The following ADAMTSL1 variants were observed in gnomAD, a reference collection of about 807,000 sequenced individuals.
The protein encoded by ADAMTSL1 is ADAMTS like 1, also known as ADAMTS-like protein 1.
In ADAMTSL1, 126 loss-of-function variants were observed where a neutral mutation model predicts 201.8. That is an observed-to-expected ratio of 0.62 (90% confidence interval 0.54 to 0.72). The LOEUF (loss-of-function observed/expected upper bound fraction) is 0.72. ADAMTSL1 is among the 30% of genes least tolerant of loss of function. The probability of loss-of-function intolerance (pLI) is 0.00; values close to 1 mark genes in which losing one functional copy is unlikely to be tolerated. For missense variants in ADAMTSL1, 2,679 were observed against 2,277.8 expected (o/e 1.18, Z -3.59); for synonymous variants, 1,121 against 903.4 (o/e 1.24, Z -4.32).
intron 5 of ADAMTSL1, among the ~76,000 whole-genome samples, chr9:18,626,957 T>TTTTCC (rs1030014749): frequency 1.3e-5 from 2 of 149,210 alleles, no homozygotes; most frequent in African/African-American, 5.0e-5. Flanking sequence ...CTTTCTTTTC[T>TTTTCC]TTTCTTTTTC....
At chr9:18,002,513 A>T (rs1305398300) in intron 1 of ADAMTSL1, among the ~76,000 whole-genome samples, 2 of 152,096 alleles carry the variant, frequency 1.3e-5, no homozygotes, top group Non-Finnish European at 2.9e-5. Flanking sequence ...TATTACTAGC[A>T]TAAGAGTATG....
At chr9:18,488,979 T>A (rs970604985) in intron 1 of ADAMTSL1, among the ~76,000 whole-genome samples, 6 of 152,152 alleles carry the variant, frequency 3.9e-5, no homozygotes, top group African/African-American at 1.4e-4. Context: ...CATAAATGCT[T>A]GTCTAATTTA....
intron 2 of ADAMTSL1, among the ~76,000 whole-genome samples, chr9:18,225,403 CT>C (rs1382428593): frequency 6.6e-6 from 1 of 152,160 alleles, no homozygotes; most frequent in African/African-American, 2.4e-5. Flanking sequence ...GAAAATGTAT[CT>C]TGTCCTAACA....
At position 18,363,366 on chromosome 9, in the gene ADAMTSL1, A is replaced by G. The variant is rs141189012; in HGVS notation, c.208-141463A>G. Among the ~76,000 whole-genome samples, 162 of 152,340 alleles carry G rather than the reference A, an allele frequency of 1.1e-3. 1 individual carries two copies. The highest frequency in any genetic ancestry group is 3.7e-3 in the African/African-American group (152 of 41,578). On this transcript the variant is annotated intron_variant, in intron 2 of 29. Coordinates refer to the ADAMTSL1 transcript ENST00000680146. The stretch of plus-strand genomic sequence containing the variant: ...AGGCAATCCAATTTCTCATTTGCCT[A>G]TTATAAGCCGACAAGCGTATACAGG...
chr9:18,642,314 T>C (rs1827500530), intron 7 of ADAMTSL1, among the ~76,000 whole-genome samples: 1 of 151,720 alleles, frequency 6.6e-6, no homozygotes, highest in South Asian at 2.1e-4. Context: ...AATTTTTAAT[T>C]AATGAGTAAA....
At chr9:18,119,742 C>A (rs1300591800) in intron 1 of ADAMTSL1, among the ~76,000 whole-genome samples, 2 of 152,062 alleles carry the variant, frequency 1.3e-5, no homozygotes, top group African/African-American at 2.4e-5. Context: ...GGTTGCCAGG[C>A]GTGGAGGTCA....
rs565043524 is a variant in ADAMTSL1 at position 18,910,143 on chromosome 9, G to A, written c.*1595G>A. 6.6e-6 allele frequency: 1 copy of A among 152,204 alleles called. No individual in the cohort carries two copies. The highest frequency in any genetic ancestry group is 2.1e-4 in the South Asian group (1 of 4,814). The allele number at this position is 152,204 out of a possible 1,614,324, so 9.4% of individuals were successfully genotyped here. A position where few individuals can be genotyped will look rare whatever the true frequency, so the allele number is the denominator to read the frequency against. The stretch of plus-strand genomic sequence containing the variant: ...GCCAGCCTGGAAGTAAAATTTGAGA[G>A]GAAGACAATATTAATCTGTGTCCCC... On this transcript the variant is annotated 3_prime_UTR_variant, in exon 29 of 29. Transcript: ENST00000380548.
At chr9:18,132,976 C>G (rs1214562387) in intron 1 of ADAMTSL1, among the ~76,000 whole-genome samples, 1 of 152,116 alleles carries the variant, frequency 6.6e-6, no homozygotes, top group Non-Finnish European at 1.5e-5. Flanking sequence ...GGTTTAGATT[C>G]TTTCACAGTA....
intron 3 of ADAMTSL1, among the ~76,000 whole-genome samples, chr9:18,549,412 T>C (rs746875374): frequency 2.6e-5 from 4 of 151,978 alleles, no homozygotes; most frequent in Non-Finnish European, 5.9e-5. Context: ...CATGTCCTGA[T>C]CTACAAAGAT....
At chr9:18,325,858 C>T (rs1046831473) in intron 2 of ADAMTSL1, among the ~76,000 whole-genome samples, 15 of 152,238 alleles carry the variant, frequency 9.9e-5, no homozygotes, top group Admixed American at 3.3e-4. Flanking sequence ...CTCCTGCCTC[C>T]GCCTCCCGCG....
At chr9:18,463,345 C>T (rs748057110) in intron 2 of ADAMTSL1, among the ~76,000 whole-genome samples, 13 of 151,984 alleles carry the variant, frequency 8.6e-5, no homozygotes, top group African/African-American at 2.7e-4. Flanking sequence ...TTTCTTTTAT[C>T]GTCTTTTTTC....
intron 2 of ADAMTSL1, among the ~76,000 whole-genome samples, chr9:18,368,029 A>G (rs1462732030): frequency 3.3e-5 from 5 of 151,308 alleles, no homozygotes; most frequent in African/African-American, 9.7e-5. Context: ...CCCCCTGAGT[A>G]GCTGGGACTA....
chr9:17,936,131 C>T (rs1826999569), intron 1 of ADAMTSL1, among the ~76,000 whole-genome samples: 1 of 152,118 alleles, frequency 6.6e-6, no homozygotes, highest in Admixed American at 6.6e-5. Context: ...TTCTGCTCCC[C>T]TGATTTGGGG....
chr9:18,146,636 T>TA (rs2132026862), intron 1 of ADAMTSL1, among the ~76,000 whole-genome samples: 1 of 152,258 alleles, frequency 6.6e-6, no homozygotes, highest in Admixed American at 6.5e-5. Flanking sequence ...TAATGGCAGA[T>TA]ACATTACACT....
chr9:17,974,316 G>T (rs925738696), intron 1 of ADAMTSL1, among the ~76,000 whole-genome samples: 2 of 152,022 alleles, frequency 1.3e-5, no homozygotes, highest in Admixed American at 6.6e-5. Flanking sequence ...GTCCCTGTTT[G>T]CATATGACAT....
chr9:18,374,884 T>G (rs1837214771), intron 2 of ADAMTSL1, among the ~76,000 whole-genome samples: 1 of 152,246 alleles, frequency 6.6e-6, no homozygotes. Context: ...GTTCAACTGC[T>G]GGGGGATTAT....
chr9:18,781,459 A>C (rs1052282994), intron 19 of ADAMTSL1, among the ~76,000 whole-genome samples: 5 of 152,198 alleles, frequency 3.3e-5, no homozygotes, highest in African/African-American at 1.2e-4. Context: ...TTCAATAAGA[A>C]ATACGGCTGG....
chr9:18,871,897 C>T (rs542701209), intron 23 of ADAMTSL1, among the ~76,000 whole-genome samples: 6 of 152,252 alleles, frequency 3.9e-5, no homozygotes, highest in South Asian at 4.1e-4. Flanking sequence ...TACCACTTCC[C>T]GTCTTCAGGC....
chr9:18,261,083 C>CG (rs145256334), intron 2 of ADAMTSL1, among the ~76,000 whole-genome samples: 2 of 66,824 alleles, frequency 3.0e-5, no homozygotes, highest in Non-Finnish European at 5.3e-5. Flanking sequence ...AAGTGTGGGG[C>CG]GGGGGGTGGG....
Sources: gnomAD v4.1 joint callset for allele counts (sites outside exome capture counted in the v4.1 genomes callset) on GRCh38, gnomAD v4.1.1 for gene constraint, MANE v1.5 for transcripts, NCBI Gene and HGNC (gene_info 2026-07-23, HGNC 2026-07-21) for gene names.